SRSF4: variants seen among roughly 807,000 people sequenced by gnomAD.
SRSF4 encodes the protein serine and arginine rich splicing factor 4, also known as serine/arginine-rich splicing factor 4.
A neutral mutation model predicts 48.8 loss-of-function variants in SRSF4; 12 were observed. The ratio of observed to expected loss-of-function variants is 0.25; its 90% confidence interval spans 0.16 to 0.40. The LOEUF is 0.40. Among genes scored for constraint, SRSF4 ranks in the 10% least tolerant of loss-of-function variants. The pLI, the probability that SRSF4 is intolerant of heterozygous loss-of-function variation, is 1.00. For missense variants in SRSF4, 466 were observed against 667.1 expected (o/e 0.70, Z 3.32); for synonymous variants, 248 against 232.5 (o/e 1.07, Z -0.61).
chr1:29,160,254 C>A, intron 2 of SRSF4, 121 bp downstream of exon 2: 1 of 1,171,488 alleles, frequency 8.5e-7, no homozygotes, highest in South Asian at 2.1e-5. Context: ...AAAAAAGATA[C>A]ATAATTTACA....
At chr1:29,159,149 CAAACT>C (rs1672555441) in intron 3 of SRSF4, among the ~76,000 whole-genome samples, 1 of 151,206 alleles carries the variant, frequency 6.6e-6, no homozygotes, top group African/African-American at 2.4e-5. Context: ...CAAACCAAAC[CAAACT>C]CACAAATGTG....
chr1:29,176,045 G>A (rs1406861924), intron 1 of SRSF4, among the ~76,000 whole-genome samples: 1 of 152,028 alleles, frequency 6.6e-6, no homozygotes, highest in African/African-American at 2.4e-5. Flanking sequence ...GAGGTCAGGA[G>A]ATCAAGACCA....
At chr1:29,150,013 G>C in intron 5 of SRSF4, 90 bp downstream of exon 5, 1 of 1,073,800 alleles carries the variant, frequency 9.3e-7, no homozygotes, top group Admixed American at 1.8e-5. Flanking sequence ...GGGTGACAGA[G>C]TGTCTCTTTG....
intron 1 of SRSF4, 94 bp from the exon 2 acceptor site, chr1:29,160,611 A>AG: frequency 7.1e-7 from 1 of 1,413,782 alleles, no homozygotes; most frequent in Non-Finnish European, 9.4e-7. Flanking sequence ...TGCTTAGCAA[A>AG]GGTTAGGTGG....
chr1:29,157,415 A>G (rs536467675), intron 3 of SRSF4, among the ~76,000 whole-genome samples: 1 of 152,290 alleles, frequency 6.6e-6, no homozygotes, highest in African/African-American at 2.4e-5. Flanking sequence ...TGATGAAGAG[A>G]GTAGCTTTCC....
intron 1 of SRSF4, among the ~76,000 whole-genome samples, chr1:29,179,948 C>T (rs1002606611): frequency 2.0e-5 from 3 of 152,230 alleles, no homozygotes; most frequent in Admixed American, 2.0e-4. Flanking sequence ...TTCCTGCACA[C>T]TATCACCTGA....
At chr1:29,170,696 C>T (rs1055322706) in intron 1 of SRSF4, 4 of 152,066 alleles carry the variant, frequency 2.6e-5, no homozygotes, top group Non-Finnish European at 4.4e-5. Context: ...TACATGAAAA[C>T]CTTTCCAAGT....
chr1:29,154,057 C>G (rs1672458272), intron 4 of SRSF4, among the ~76,000 whole-genome samples: 1 of 151,452 alleles, frequency 6.6e-6, no homozygotes, highest in Non-Finnish European at 1.5e-5. Flanking sequence ...CGCCACCACA[C>G]CATTTTTTTT....
intron 1 of SRSF4, among the ~76,000 whole-genome samples, chr1:29,163,385 A>T (rs557885677): frequency 7.9e-5 from 12 of 152,364 alleles, no homozygotes; most frequent in African/African-American, 2.6e-4. Flanking sequence ...CAGGCATCTG[A>T]TTGTCACTTC....
Position 29,178,353 on chromosome 1 carries a change from C to CTTCTTTTTTTTTTTTTTT in SRSF4, c.107+3292_107+3293insAAAAAAAAAAAAAAAGAA, listed in dbSNP as rs141096220. On this transcript the variant is annotated intron_variant, in intron 1 of 5. Transcript: ENST00000373795. Reference sequence around the variant, plus strand: ...AAAATCTGTTTCTGAGTTTCAATTACTTTTTTTTTTGAGACAGAGTCTCGC... The same window carrying CTTCTTTTTTTTTTTTTTT: ...AAAATCTGTTTCTGAGTTTCAATTACTTCTTTTTTTTTTTTTTTTTTTTTTTTTGAGACAGAGTCTCGC... Among the ~76,000 whole-genome samples the CTTCTTTTTTTTTTTTTTT allele has an allele frequency of 7.0e-4, 90 of 127,858 alleles. 5 individuals are homozygous for CTTCTTTTTTTTTTTTTTT. The highest frequency in any genetic ancestry group is 2.8e-3 in the East Asian group (12 of 4,304). The allele number at this position is 127,858 out of a possible 152,430, so 83.9% of individuals were successfully genotyped here. A position where few individuals can be genotyped will look rare whatever the true frequency, so the allele number is the denominator to read the frequency against.
At chr1:29,156,454 C>T (rs1415101806) in intron 3 of SRSF4, among the ~76,000 whole-genome samples, 2 of 151,890 alleles carry the variant, frequency 1.3e-5, no homozygotes, top group African/African-American at 4.8e-5. Flanking sequence ...GTGCCAGAAA[C>T]TGTTCTAGGC....
intron 1 of SRSF4, among the ~76,000 whole-genome samples, chr1:29,178,758 G>A (rs1160643263): frequency 1.3e-5 from 2 of 152,196 alleles, no homozygotes; most frequent in African/African-American, 4.8e-5. Context: ...ACGTAGCTAA[G>A]TTATGCTTTT....
At chr1:29,168,862 C>G (rs1333560390) in intron 1 of SRSF4, 3 of 152,058 alleles carry the variant, frequency 2.0e-5, no homozygotes, top group African/African-American at 7.2e-5. Context: ...GTGACTTGAA[C>G]CAAAAAATAT....
intron 1 of SRSF4, among the ~76,000 whole-genome samples, chr1:29,166,429 A>C (rs1424997338): frequency 6.6e-6 from 1 of 152,242 alleles, no homozygotes; most frequent in African/African-American, 2.4e-5. Flanking sequence ...AGAACAGTGT[A>C]ACTGCCCCGA....
In SRSF4 at chr1:29,159,431, T is replaced by C; in HGVS notation, c.306A>G (p.Thr102=). The change falls in exon 3 of 6, where the codon ACA becomes ACG. Residue 102 remains threonine (T), a synonymous_variant. Transcript: ENST00000373795. ...AATTCTCCACAATAAGTCTGTACTC[T>C]GTGCGAGTAGGAGGGCCATATTTAT... ...GRDKYGPPTR[T]EYRLIVENLS... 1 of 1,614,112 alleles carries C rather than the reference T, an allele frequency of 6.2e-7. No homozygotes were observed. The highest frequency in any genetic ancestry group is 8.5e-7 in the Non-Finnish European group (1 of 1,179,996).
At chr1:29,174,676 T>C (rs899583662) in intron 1 of SRSF4, among the ~76,000 whole-genome samples, 2 of 98,032 alleles carry the variant, frequency 2.0e-5, no homozygotes, top group Non-Finnish European at 2.0e-5. Context: ...AGGAGATAGG[T>C]TTTTTTTTTT....
At chr1:29,167,178 C>A (rs1558391196) in intron 1 of SRSF4, among the ~76,000 whole-genome samples, 1 of 152,176 alleles carries the variant, frequency 6.6e-6, no homozygotes, top group East Asian at 1.9e-4. Context: ...GCTACTAAAT[C>A]ATTTTTTTGT....
At chr1:29,149,706 G>A (rs2452780) in intron 5 of SRSF4, among the ~76,000 whole-genome samples, 44,535 of 90,132 alleles carry the variant, frequency 0.49, 8,569 homozygotes, top group Non-Finnish European at 0.57. Context: ...AAAAAAAAAA[G>A]AAAAAGAAGC....
At chr1:29,149,701 AAAAAG>A (rs1398357798) in intron 5 of SRSF4, among the ~76,000 whole-genome samples, 4 of 137,192 alleles carry the variant, frequency 2.9e-5, no homozygotes. Flanking sequence ...AAAAAAAAAA[AAAAAG>A]AAAAAGAAGC....
Sources: gnomAD v4.1 joint callset for allele counts (sites outside exome capture counted in the v4.1 genomes callset) on GRCh38, gnomAD v4.1.1 for gene constraint, MANE v1.5 for transcripts, NCBI Gene and HGNC (gene_info 2026-07-23, HGNC 2026-07-21) for gene names.